PI4KB: variants seen among roughly 807,000 people sequenced by gnomAD.
PI4KB encodes the protein PtdIns 4-kinase beta.
PI4KB carries 23 observed loss-of-function variants against 81.4 expected under a neutral mutation model. The ratio of observed to expected loss-of-function variants is 0.28; its 90% CI spans 0.20 to 0.40. The LOEUF is 0.40. Ranked by LOEUF, PI4KB falls within the 10% of genes least tolerant of loss-of-function variation. The probability of loss-of-function intolerance (pLI) is 1.00; values close to 1 mark genes in which losing one functional copy is unlikely to be tolerated. For synonymous variants in PI4KB, 381 were observed against 406.8 expected, an observed-to-expected ratio of 0.94 and a Z score of 0.76; for missense variants, 651 against 1,036.6, an observed-to-expected ratio of 0.63 and a Z score of 5.11.
chr1:151,292,910 C>T lies in PI4KB; in HGVS notation c.2393G>A (p.Arg798Gln). 2 of 1,614,084 alleles carry T rather than the reference C, an allele frequency of 1.2e-6. No homozygotes were observed. The highest frequency in any genetic ancestry group is 2.2e-5 in the East Asian group (1 of 44,860). The stretch of plus-strand genomic sequence containing the variant: ...GTCATAGAGTTTGGTGGTGATAGAC[C>T]GCATACTGCCATCCACCATCTGCTC... ...LVEQMVDGSMRSITTKLYDGF... is the reference protein window; with the variant it reads ...LVEQMVDGSMQSITTKLYDGF... The change falls in exon 12 of 12, where the codon CGG (arginine) becomes CAG (glutamine). Residue 798 changes from arginine (R) to glutamine (Q), a missense_variant. By Grantham distance (43) the Arg-to-Gln change is conservative. Around this residue, in one of 5 missense-constraint regions of PI4KB, gnomAD observed 70 missense variants for 108.1 expected, o/e 0.65. Coordinates refer to ENST00000368873, the MANE Select transcript of PI4KB (RefSeq NM_001369623.2).
chr1:151,319,050 T>C (rs553116074), intron 1 of PI4KB, among the ~76,000 whole-genome samples: 7 of 152,380 alleles, frequency 4.6e-5, no homozygotes, highest in African/African-American at 1.7e-4. Context: ...GTGCAACTTA[T>C]GCAAGCCATT....
Position 151,307,644 on chromosome 1 carries a change from G to C in PI4KB, c.1112C>G (p.Thr371Ser). ...HKLPARVWLP[T>S]AGFDHHVVRV... ...GACCACGTGGTGGTCAAAGCCAGCA[G>C]TGGGCAGCCAGACTCGGGCAGGGAG... Residue 371 changes from threonine to serine, a missense_variant, in exon 4 of 12, where the codon ACT (threonine) becomes AGT (serine). This residue lies in a region of PI4KB where 246 missense variants were observed against 430.1 expected (regional missense o/e 0.57). Transcript: ENST00000368873. 2 of 1,614,224 alleles carry C rather than the reference G, an allele frequency of 1.2e-6. No homozygotes were observed. The highest frequency in any genetic ancestry group is 1.1e-5 in the South Asian group (1 of 91,080).
At position 151,302,241 on chromosome 1, in the gene PI4KB, T is replaced by A. The variant is rs1208511619; in HGVS notation, c.1578A>T (p.Glu526Asp). The A allele has an allele frequency of 6.2e-7, 1 of 1,614,206 alleles. No individual in the cohort carries two copies. The highest frequency in any genetic ancestry group is 1.7e-5 in the Admixed American group (1 of 60,026). ...CTTTGAGAGCAACTGCAGAAGGATC[T>A]TCTGGGTCTCGTTTGAAGGCTGTCG... ...HTPTAFKRDP[E>D]DPSAVALKEP... The change falls in exon 7 of 12, where the codon GAA becomes GAT. Residue 526 changes from glutamate (E) to aspartate (D), a missense_variant. Transcript: ENST00000368873.
chr1:151,292,465 A>G lies in PI4KB; in HGVS notation c.*387T>C, dbSNP rs1694366241. ...AAGTACCGAGAACCTACTCTTCCCCACTTCCTGGGCCCCAGAACGGAATAA... is the reference window on the plus strand; with the variant it reads ...AAGTACCGAGAACCTACTCTTCCCCGCTTCCTGGGCCCCAGAACGGAATAA... On this transcript the variant is annotated 3_prime_UTR_variant, in exon 12 of 12. Coordinates refer to ENST00000368873, the MANE Select transcript of PI4KB (RefSeq NM_001369623.2). 1 of 169,452 alleles carries G rather than the reference A, an allele frequency of 5.9e-6. No homozygotes were observed. The highest frequency in any genetic ancestry group is 1.3e-5 in the Non-Finnish European group (1 of 78,770). 10.5% of individuals were successfully genotyped at this position (169,452 alleles called of 1,614,324 possible). A position where few individuals can be genotyped will look rare whatever the true frequency, so the allele number is the denominator to read the frequency against.
rs970897250 is a variant in PI4KB at position 151,307,640 on chromosome 1, A to G, written c.1116T>C (p.Ala372=). ...KLPARVWLPT[A]GFDHHVVRVP... Reference sequence around the variant, plus strand: ...CACGGACCACGTGGTGGTCAAAGCCAGCAGTGGGCAGCCAGACTCGGGCAG... The same window carrying G: ...CACGGACCACGTGGTGGTCAAAGCCGGCAGTGGGCAGCCAGACTCGGGCAG... Residue 372 remains alanine (A), a synonymous_variant, in exon 4 of 12, where the codon GCT becomes GCC. Transcript: ENST00000368873. 6 of 1,614,080 alleles carry G rather than the reference A, an allele frequency of 3.7e-6. No homozygotes were observed. The Admixed American group carries it at 1.0e-4, about 27-fold the overall frequency.
At chr1:151,316,842 A>G (rs1010091089) in intron 1 of PI4KB, among the ~76,000 whole-genome samples, 2 of 151,780 alleles carry the variant, frequency 1.3e-5, no homozygotes, top group African/African-American at 4.8e-5. Flanking sequence ...GTTGTTGTTG[A>G]GACGGAGTCT....
chr1:151,299,122 G>C (rs780201085), intron 8 of PI4KB, 49 bp from the exon 9 acceptor site: 2 of 1,551,944 alleles, frequency 1.3e-6, no homozygotes, highest in South Asian at 2.3e-5. Context: ...CTCCAAACTA[G>C]AGAAGAAGGC....
At chr1:151,296,212 A>G (rs1175780269) in intron 9 of PI4KB, among the ~76,000 whole-genome samples, 4 of 152,134 alleles carry the variant, frequency 2.6e-5, no homozygotes, top group Non-Finnish European at 5.9e-5. Context: ...ACGCCACTGC[A>G]CTCCAGCCTG....
chr1:151,302,096 A>AT, intron 7 of PI4KB, 98 bp downstream of exon 7: 1 of 1,564,016 alleles, frequency 6.4e-7, no homozygotes, highest in East Asian at 2.3e-5. Flanking sequence ...AGCCTGACAG[A>AT]TTTTTTTGGA....
chr1:151,313,332 C>T (rs999379879), intron 2 of PI4KB, among the ~76,000 whole-genome samples: 1 of 152,058 alleles, frequency 6.6e-6, no homozygotes, highest in African/African-American at 2.4e-5. Flanking sequence ...AGCTACAGAA[C>T]CCACCCTAAA....
In PI4KB at chr1:151,292,658, TG is replaced by T; in HGVS notation, c.*193del. ...AGGGGCAGGGAAGCCCCAACAAGTC[TG>T]GACCCCACAGCTGGCTCTCCCACCC... On this transcript the variant is annotated 3_prime_UTR_variant, in exon 12 of 12. Coordinates refer to ENST00000368873, the MANE Select transcript of PI4KB (RefSeq NM_001369623.2). 1 of 595,482 alleles carries T rather than the reference TG, an allele frequency of 1.7e-6. No homozygotes were observed. The highest frequency in any genetic ancestry group is 3.0e-6 in the Non-Finnish European group (1 of 337,600). The allele number at this position is 595,482 out of a possible 1,614,324, so 36.9% of individuals were successfully genotyped here. A position where few individuals can be genotyped will look rare whatever the true frequency, so the allele number is the denominator to read the frequency against.
At position 151,303,691 on chromosome 1, in the gene PI4KB, G is replaced by T. The variant is rs1194187073; in HGVS notation, c.1411-41C>A. On this transcript the variant is annotated intron_variant, in intron 5 of 11. Coordinates refer to ENST00000368873, the MANE Select transcript of PI4KB (RefSeq NM_001369623.2). Reference sequence around the variant, plus strand: ...TGCTGGTCAGAAGTGCTAAAGTATAGGTCTCCCGTCTTTCCCCTCCTGCTT... The same window carrying T: ...TGCTGGTCAGAAGTGCTAAAGTATATGTCTCCCGTCTTTCCCCTCCTGCTT... The T allele has an allele frequency of 3.9e-6, 5 of 1,297,822 alleles. No individual in the cohort carries two copies. In the South Asian group the frequency reaches 5.9e-5, roughly 15 times the overall value. 80.4% of individuals were successfully genotyped at this position (1,297,822 alleles called of 1,614,324 possible).
chr1:151,325,284 C>T lies in PI4KB; in HGVS notation c.-29+1987G>A, dbSNP rs554350966. 3.9e-5 allele frequency among the ~76,000 whole-genome samples: 6 copies of T among 152,108 alleles called. No individual in the cohort carries two copies. The South Asian group carries it at 8.3e-4, about 21-fold the overall frequency. On this transcript the variant is annotated intron_variant, in intron 1 of 11. Coordinates refer to ENST00000368873, the MANE Select transcript of PI4KB (RefSeq NM_001369623.2). ...CTGGGATTACAGGTGTGAGCCACCG[C>T]GCCTGGCAGGAAAGCTTCTAATAAG...
intron 9 of PI4KB, 79 bp from the exon 10 acceptor site, chr1:151,294,620 G>C (rs1694634858): frequency 1.5e-6 from 2 of 1,373,660 alleles, no homozygotes; most frequent in Non-Finnish European, 2.1e-6. Flanking sequence ...CAATACACTG[G>C]CCACATGACA....
chr1:151,301,991 G>A (rs2101934968), intron 7 of PI4KB, 24 bp from the exon 8 acceptor site: 1 of 1,612,934 alleles, frequency 6.2e-7, no homozygotes, highest in East Asian at 2.2e-5. Flanking sequence ...AGTAAAGGGT[G>A]TCAAAGGTTG....
chr1:151,301,407 T>TA (rs1042834036), intron 8 of PI4KB, among the ~76,000 whole-genome samples: 7 of 152,020 alleles, frequency 4.6e-5, no homozygotes, highest in Admixed American at 1.3e-4. Context: ...TTTTTATTTT[T>TA]TTTTTTTTGA....
At chr1:151,306,840 G>A (rs587676894) in intron 4 of PI4KB, among the ~76,000 whole-genome samples, 5 of 152,348 alleles carry the variant, frequency 3.3e-5, no homozygotes, top group Admixed American at 2.0e-4. Flanking sequence ...ACTTTGGGGG[G>A]CCGAGGCGGG....
chr1:151,317,203 A>C (rs1648100727), intron 1 of PI4KB, among the ~76,000 whole-genome samples: 2 of 148,430 alleles, frequency 1.3e-5, no homozygotes, highest in African/African-American at 5.0e-5. Flanking sequence ...GCAGTTGAAC[A>C]ATCTGGGCTC....
chr1:151,303,641 C>T lies in PI4KB; in HGVS notation c.1420G>A (p.Val474Met). 1 of 1,612,164 alleles carries T rather than the reference C, an allele frequency of 6.2e-7. No individual in the cohort carries two copies. The highest frequency in any genetic ancestry group is 1.7e-4 in the Middle Eastern group (1 of 6,058). ...ATGTTGTCACAGCTGTTGGTATGCACTTCGGGGAGCTGGAGAAAGGGGAGT... is the reference window on the plus strand; with the variant it reads ...ATGTTGTCACAGCTGTTGGTATGCATTTCGGGGAGCTGGAGAAAGGGGAGT... ...IGELQVELPE[V>M]HTNSCDNISQ... Residue 474 changes from valine to methionine, a missense_variant, in exon 6 of 12, where the codon GTG (valine) becomes ATG (methionine). Physicochemically the swap from Val to Met is conservative, Grantham distance 21. This residue lies in a region of PI4KB where 246 missense variants were observed against 430.1 expected (regional missense o/e 0.57). Transcript: ENST00000368873.
Sources: allele counts gnomAD v4.1 joint callset (sites outside exome capture counted in the v4.1 genomes callset), GRCh38; gene constraint gnomAD v4.1.1; regional missense constraint gnomAD v4.1.1; transcripts MANE v1.5; gene names NCBI Gene and HGNC (gene_info 2026-07-23, HGNC 2026-07-21).